The following PXDC1 variants were observed in gnomAD, a reference collection of about 807,000 sequenced individuals.
PXDC1 encodes the protein PX domain containing 1, also known as PX domain-containing protein 1.
PXDC1 carries 13 observed loss-of-function variants against 24.4 expected under a neutral mutation model. That is an observed-to-expected ratio of 0.53 (90% CI 0.35 to 0.85). The LOEUF (loss-of-function observed/expected upper bound fraction) is 0.85. PXDC1 is among the 40% of genes least tolerant of loss of function. The probability of loss-of-function intolerance (pLI) is 0.01; values close to 1 mark genes in which losing one functional copy is unlikely to be tolerated. For synonymous variants in PXDC1, 162 were observed against 124.9 expected, an observed-to-expected ratio of 1.30 and a Z score of -1.98; for missense variants, 344 against 309.3, an observed-to-expected ratio of 1.11 and a Z score of -0.84.
intron 1 of PXDC1, among the ~76,000 whole-genome samples, chr6:3,750,026 A>G (rs1216198368): frequency 6.6e-6 from 1 of 152,260 alleles, no homozygotes; most frequent in Admixed American, 6.5e-5. Flanking sequence ...GAACAGCTAT[A>G]AATGTGAGGC....
At chr6:3,744,296 C>T (rs1484988467) in intron 1 of PXDC1, among the ~76,000 whole-genome samples, 1 of 152,210 alleles carries the variant, frequency 6.6e-6, no homozygotes, top group Non-Finnish European at 1.5e-5. Context: ...CATGGCTCCT[C>T]CTCCACCAGG....
Position 3,725,750 on chromosome 6 carries a change from A to G in PXDC1, c.578+1801T>C, listed in dbSNP as rs1234054392. 1.3e-5 allele frequency among the ~76,000 whole-genome samples: 2 copies of G among 152,212 alleles called. No individual in the cohort carries two copies. Among genetic ancestry groups the G allele is most frequent in the Non-Finnish European group, 2.9e-5 (2 of 68,026 alleles). ...TAGAAACAGATCGTCCCTGTGAGAC[A>G]CTGGAGCTGGACCATCGACTCCACT... is the stretch of plus-strand genomic sequence containing the variant. On this transcript the variant is annotated intron_variant, in intron 4 of 4. Transcript: ENST00000380283. This position sits in a 1 kb window ranked among gnomAD's most constrained non-coding sequence, Gnocchi z 4.8.
Position 3,744,695 on chromosome 6 carries a change from T to TTTTA in PXDC1, c.257-6551_257-6548dup, listed in dbSNP as rs572431881. Among the ~76,000 whole-genome samples, 1,407 of 152,250 alleles carry TTTTA rather than the reference T, an allele frequency of 9.2e-3. 16 individuals carry two copies. Among genetic ancestry groups the TTTTA allele is most frequent in the Non-Finnish European group, 0.013 (885 of 68,008 alleles). On this transcript the variant is annotated intron_variant, in intron 1 of 4. Transcript: ENST00000380283. Reference sequence around the variant, plus strand: ...ACTCTGTGCACTTGGCAATTCTTGTTTTTATTTATTTATTTATTTGAGACG... The same window carrying TTTTA: ...ACTCTGTGCACTTGGCAATTCTTGTTTTTATTTATTTATTTATTTATTTGAGACG...
intron 3 of PXDC1, among the ~76,000 whole-genome samples, chr6:3,730,622 T>G (rs1760174078): frequency 6.6e-6 from 1 of 152,218 alleles, no homozygotes; most frequent in Non-Finnish European, 1.5e-5. Flanking sequence ...GTGCCCCGTT[T>G]CAACCACGGA....
intron 1 of PXDC1, among the ~76,000 whole-genome samples, chr6:3,739,478 C>T (rs1760406306): frequency 6.6e-6 from 1 of 152,256 alleles, no homozygotes; most frequent in South Asian, 2.1e-4. Context: ...GCCACACAGG[C>T]CCAGGCGGCC....
Position 3,728,479 on chromosome 6 carries a change from A to C in PXDC1, c.467-817T>G, listed in dbSNP as rs530406143. On this transcript the variant is annotated intron_variant, in intron 3 of 4. Coordinates refer to ENST00000380283, the MANE Select transcript of PXDC1 (RefSeq NM_183373.4). The surrounding 1 kb of genome is among the most constrained non-coding windows in gnomAD (Gnocchi z 4.0). The stretch of plus-strand genomic sequence containing the variant: ...ATGTAAATGATTTTTTTCCCAAATA[A>C]GCACAGATTCGGGTAATTTAGAAAA... 1.3e-4 allele frequency among the ~76,000 whole-genome samples: 20 copies of C among 152,258 alleles called. No homozygotes were observed. The highest frequency in any genetic ancestry group is 3.9e-4 in the African/African-American group (16 of 41,530).
At chr6:3,736,104 G>A (rs1056667353) in intron 3 of PXDC1, among the ~76,000 whole-genome samples, 6 of 152,110 alleles carry the variant, frequency 3.9e-5, no homozygotes, top group South Asian at 2.1e-4. Flanking sequence ...GCAAGGCCAC[G>A]TTCACAGCCA....
At chr6:3,739,849 C>T (rs1760416203) in intron 1 of PXDC1, among the ~76,000 whole-genome samples, 1 of 152,184 alleles carries the variant, frequency 6.6e-6, no homozygotes, top group Admixed American at 6.5e-5. Context: ...ATATATGCAC[C>T]ACTCTTTCAA....
intron 3 of PXDC1, among the ~76,000 whole-genome samples, chr6:3,734,393 G>T (rs1760269600): frequency 6.6e-6 from 1 of 152,168 alleles, no homozygotes; most frequent in Admixed American, 6.5e-5. Flanking sequence ...TCTCTGGGTT[G>T]CCCAAACAGA....
rs577078301 is a variant in PXDC1, at chr6:3,728,795, C to G, written c.467-1133G>C. The stretch of plus-strand genomic sequence containing the variant: ...GCGTTCGTTTGTATTTTCTGAGGGA[C>G]CGCGTTTCCGTCCCCTCGCTCAGCA... On this transcript the variant is annotated intron_variant, in intron 3 of 4. Coordinates refer to ENST00000380283, the MANE Select transcript of PXDC1 (RefSeq NM_183373.4). This position sits in a 1 kb window ranked among gnomAD's most constrained non-coding sequence, Gnocchi z 4.0. 4.6e-5 allele frequency among the ~76,000 whole-genome samples: 7 copies of G among 152,308 alleles called. No individual in the cohort carries two copies. In the East Asian group the frequency reaches 1.3e-3, roughly 29 times the overall value.
intron 1 of PXDC1, among the ~76,000 whole-genome samples, chr6:3,747,695 G>C (rs1487593191): frequency 6.6e-6 from 1 of 152,196 alleles, no homozygotes; most frequent in East Asian, 1.9e-4. Context: ...GCTCCTGTAA[G>C]TCGGAGCCCC....
intron 3 of PXDC1, among the ~76,000 whole-genome samples, chr6:3,732,098 TTTGCA>T (rs1760213025): frequency 1.3e-5 from 2 of 152,276 alleles, no homozygotes; most frequent in Admixed American, 1.3e-4. Context: ...ATGGATCTTT[TTTGCA>T]ACAATTACCA....
At position 3,751,703 on chromosome 6, in the gene PXDC1, C is replaced by G. The variant is rs2274151; in HGVS notation, c.-172G>C. The G allele has an allele frequency of 9.7e-6, 10 of 1,029,616 alleles. No homozygotes were observed. The African/African-American group carries it at 1.2e-4, about 13-fold the overall frequency. The allele number at this position is 1,029,616 out of a possible 1,614,324, so 63.8% of individuals were successfully genotyped here. Reference sequence around the variant, plus strand: ...CCGCGTTCGGGGCAGCGGGGCGGCGCGGCGGCGAGTGGCTCGGGCCGGCCG... The same window carrying G: ...CCGCGTTCGGGGCAGCGGGGCGGCGGGGCGGCGAGTGGCTCGGGCCGGCCG... On this transcript the variant is annotated 5_prime_UTR_variant, in exon 1 of 5. Transcript: ENST00000380283.
chr6:3,733,209 C>T (rs1760240519), intron 3 of PXDC1, among the ~76,000 whole-genome samples: 1 of 152,118 alleles, frequency 6.6e-6, no homozygotes, highest in African/African-American at 2.4e-5. Flanking sequence ...AAGGGGGACG[C>T]ATGAGAGAAA....
At chr6:3,731,377 T>C (rs769411947) in intron 3 of PXDC1, among the ~76,000 whole-genome samples, 1 of 152,244 alleles carries the variant, frequency 6.6e-6, no homozygotes, top group Non-Finnish European at 1.5e-5. Flanking sequence ...CATCTGAGCC[T>C]CTCTTCAAAC....
Position 3,735,308 on chromosome 6 carries a change from C to T in PXDC1, c.466+1771G>A, listed in dbSNP as rs532933309. 7.2e-5 allele frequency among the ~76,000 whole-genome samples: 11 copies of T among 152,314 alleles called. 1 individual carries two copies. The highest frequency in any genetic ancestry group is 2.6e-4 in the African/African-American group (11 of 41,562). ...ACACAGAAATAAATCGATATACTTA[C>T]AGCCAACTGATTTTTGACAAAGGTG... On this transcript the variant is annotated intron_variant, in intron 3 of 4. Transcript: ENST00000380283.
At chr6:3,734,902 T>G (rs1001256517) in intron 3 of PXDC1, among the ~76,000 whole-genome samples, 8 of 152,004 alleles carry the variant, frequency 5.3e-5, no homozygotes, top group African/African-American at 1.9e-4. Flanking sequence ...TTGGGAAACA[T>G]GGCAAAACCT....
In PXDC1 at chr6:3,727,601, A is replaced by C; in HGVS notation, c.528T>G (p.Ser176Arg). The C allele has an allele frequency of 1.2e-6, 2 of 1,613,926 alleles. No individual in the cohort carries two copies. Among genetic ancestry groups the C allele is most frequent in the Non-Finnish European group, 1.7e-6 (2 of 1,179,756 alleles). Residue 176 changes from serine to arginine, a missense_variant, in exon 4 of 5, where the codon AGT becomes AGG. Transcript: ENST00000380283. ...GCTGCTGGTCTCTTCCATTTGGTAT[A>C]CTGTGGTCAATAACTATTGTTTCGG... Reference protein sequence around the residue: ...ANTETIVIDHSIPNGRDQQLG... With the variant: ...ANTETIVIDHRIPNGRDQQLG...
Position 3,750,251 on chromosome 6 carries a change from T to C in PXDC1, c.256+1025A>G, listed in dbSNP as rs558571330. ...CTGGGGAGACTTGGACGGGCCACCTTCTGCTTCAGTAACTTGGCCCCAAGC... is the reference window on the plus strand; with the variant it reads ...CTGGGGAGACTTGGACGGGCCACCTCCTGCTTCAGTAACTTGGCCCCAAGC... On this transcript the variant is annotated intron_variant, in intron 1 of 4. Transcript: ENST00000380283. Among the ~76,000 whole-genome samples, 6 of 152,264 alleles carry C rather than the reference T, an allele frequency of 3.9e-5. No homozygotes were observed. In the East Asian group the frequency reaches 1.2e-3, roughly 29 times the overall value.
Sources: gnomAD v4.1 joint callset for allele counts (sites outside exome capture counted in the v4.1 genomes callset) on GRCh38, gnomAD v4.1.1 for gene constraint, Gnocchi (gnomAD v3.1) non-coding constraint, MANE v1.5 for transcripts, NCBI Gene and HGNC (gene_info 2026-07-23, HGNC 2026-07-21) for gene names.